MIPEP: variants seen among roughly 807,000 people sequenced by gnomAD.
MIPEP encodes mitochondrial intermediate peptidase.
A neutral mutation model predicts 90.3 loss-of-function variants in MIPEP; 79 were observed. The ratio of observed to expected loss-of-function variants is 0.87; its 90% CI spans 0.73 to 1.05. MIPEP has a LOEUF of 1.05. Ranked by LOEUF, MIPEP falls within the 50% of genes least tolerant of loss-of-function variation. The pLI is 0.00. For synonymous variants in MIPEP, 334 were observed against 315.8 expected, an observed-to-expected ratio of 1.06 and a Z score of -0.61; for missense variants, 940 against 905.6, an observed-to-expected ratio of 1.04 and a Z score of -0.49.
intron 17 of MIPEP, among the ~76,000 whole-genome samples, chr13:23,757,480 G>C (rs1952500432): frequency 6.6e-6 from 1 of 152,076 alleles, no homozygotes; most frequent in Non-Finnish European, 1.5e-5. Flanking sequence ...ATAGTTTTGT[G>C]ATTATTTTAA....
intron 2 of MIPEP, among the ~76,000 whole-genome samples, chr13:23,885,794 T>C (rs572990201): frequency 6.6e-6 from 1 of 150,590 alleles, no homozygotes; most frequent in East Asian, 2.0e-4. Context: ...ACACCTCTTA[T>C]GAAAAAGAAG....
At chr13:23,820,411 G>T (rs1280830836) in intron 14 of MIPEP, among the ~76,000 whole-genome samples, 1 of 152,158 alleles carries the variant, frequency 6.6e-6, no homozygotes, top group Non-Finnish European at 1.5e-5. Flanking sequence ...AATTATTTGA[G>T]CACAGAACAC....
chr13:23,746,933 T>C (rs1022252403), intron 18 of MIPEP, among the ~76,000 whole-genome samples: 19 of 152,318 alleles, frequency 1.2e-4, no homozygotes, highest in East Asian at 3.9e-4. Flanking sequence ...AGAAAGTAGA[T>C]GATAGCTTAC....
At chr13:23,754,569 T>G (rs573615213) in intron 18 of MIPEP, among the ~76,000 whole-genome samples, 8 of 152,304 alleles carry the variant, frequency 5.3e-5, no homozygotes, top group Admixed American at 4.6e-4. Flanking sequence ...AGAACAGAAT[T>G]TTTGAGAGTT....
At chr13:23,743,792 AACACGCACAC>A (rs1182996481) in intron 18 of MIPEP, among the ~76,000 whole-genome samples, 8 of 152,194 alleles carry the variant, frequency 5.3e-5, no homozygotes, top group Non-Finnish European at 8.8e-5. Flanking sequence ...CCACACATTA[AACACGCACAC>A]ACCCTCTTAA....
intron 16 of MIPEP, among the ~76,000 whole-genome samples, chr13:23,796,080 T>C (rs1441060810): frequency 6.6e-6 from 1 of 152,174 alleles, no homozygotes; most frequent in African/African-American, 2.4e-5. Context: ...TGTGTGTATA[T>C]GTATATACAT....
At chr13:23,774,209 T>A (rs1952686031) in intron 16 of MIPEP, among the ~76,000 whole-genome samples, 1 of 152,220 alleles carries the variant, frequency 6.6e-6, no homozygotes, top group Admixed American at 6.5e-5. Flanking sequence ...AGTTGTCAAC[T>A]GAACATAAAT....
Position 23,769,246 on chromosome 13 carries a change from C to G in MIPEP, c.1849-9029G>C, listed in dbSNP as rs190924757. Among the ~76,000 whole-genome samples, 5 of 152,286 alleles carry G rather than the reference C, an allele frequency of 3.3e-5. No homozygotes were observed. The East Asian group carries it at 9.6e-4, about 29-fold the overall frequency. ...GACAGCAACGGGGCCTCTGTAGGAA[C>G]AGGTACTGTGTCTGAACCCTGATCA... On this transcript the variant is annotated intron_variant, in intron 16 of 18. Coordinates refer to ENST00000382172, the MANE Select transcript of MIPEP (RefSeq NM_005932.4).
At chr13:23,810,538 A>C (rs1953160432) in intron 14 of MIPEP, among the ~76,000 whole-genome samples, 1 of 152,272 alleles carries the variant, frequency 6.6e-6, no homozygotes, top group Non-Finnish European at 1.5e-5. Flanking sequence ...CCTCTTAGAA[A>C]TAAATTAATA....
At chr13:23,773,269 G>C (rs904191032) in intron 16 of MIPEP, among the ~76,000 whole-genome samples, 4 of 152,158 alleles carry the variant, frequency 2.6e-5, no homozygotes, top group African/African-American at 9.7e-5. Context: ...CGAGCGTAAT[G>C]TTTTCAAAGT....
intron 16 of MIPEP, among the ~76,000 whole-genome samples, chr13:23,768,910 A>G (rs2138528706): frequency 6.6e-6 from 1 of 152,346 alleles, no homozygotes; most frequent in East Asian, 1.9e-4. Context: ...ATCAAAAGCA[A>G]ATCTACTAGC....
At chr13:23,842,144 T>C (rs920999693) in intron 10 of MIPEP, 2 of 152,218 alleles carry the variant, frequency 1.3e-5, no homozygotes, top group African/African-American at 4.8e-5. Flanking sequence ...ATTTGAATGT[T>C]TACATTTGAA....
rs764290465 is a variant in MIPEP at position 23,760,206 on chromosome 13, C to T, written c.1860G>A (p.Leu620=). ...LPYVPNTAWQ[L]RFSHLVGYGA... ...CATACCCCACGAGGTGGCTGAATCG[C>T]AGCTGCCAGGCCTGCCAAGAACAGA... The change falls in exon 17 of 19, where the codon CTG becomes CTA. Residue 620 remains leucine (L), a synonymous_variant. Transcript: ENST00000382172. The T allele has an allele frequency of 6.2e-7, 1 of 1,614,060 alleles. No homozygotes were observed. The highest frequency in any genetic ancestry group is 2.2e-5 in the East Asian group (1 of 44,874).
chr13:23,764,436 G>T (rs763732419), intron 16 of MIPEP, among the ~76,000 whole-genome samples: 11 of 152,188 alleles, frequency 7.2e-5, no homozygotes, highest in Non-Finnish European at 1.2e-4. Context: ...AGGTAGCAAT[G>T]AGCCATTTAC....
rs573340884 is a variant in MIPEP, at chr13:23,829,901, T to C, written c.1653+6339A>G. 2.5e-4 allele frequency among the ~76,000 whole-genome samples: 38 copies of C among 152,346 alleles called. No individual in the cohort carries two copies. In the South Asian group the frequency reaches 7.9e-3, roughly 32 times the overall value. ...ACACTGCTGCTAATTAAGACCACAATAGCATTTCATTTTATAATCACAAAA... is the reference window on the plus strand; with the variant it reads ...ACACTGCTGCTAATTAAGACCACAACAGCATTTCATTTTATAATCACAAAA... On this transcript the variant is annotated intron_variant, in intron 14 of 18. Transcript: ENST00000382172.
chr13:23,843,345 G>C (rs371502345), intron 10 of MIPEP, among the ~76,000 whole-genome samples: 1 of 152,110 alleles, frequency 6.6e-6, no homozygotes, highest in Non-Finnish European at 1.5e-5. Flanking sequence ...AGAAAACAGA[G>C]GGCCTGGTCC....
At chr13:23,762,064 G>A (rs1471567655) in intron 16 of MIPEP, among the ~76,000 whole-genome samples, 3 of 152,072 alleles carry the variant, frequency 2.0e-5, no homozygotes, top group Non-Finnish European at 4.4e-5. Flanking sequence ...GGCGGAGGTT[G>A]TAGTGAGCTA....
chr13:23,739,739 G>A (rs879853341), intron 18 of MIPEP, among the ~76,000 whole-genome samples: 1 of 152,244 alleles, frequency 6.6e-6, no homozygotes, highest in Non-Finnish European at 1.5e-5. Context: ...GTGCACGGCA[G>A]CAAGCAGAAA....
At chr13:23,820,827 C>T (rs1457369203) in intron 14 of MIPEP, among the ~76,000 whole-genome samples, 2 of 152,216 alleles carry the variant, frequency 1.3e-5, no homozygotes, top group Non-Finnish European at 2.9e-5. Flanking sequence ...TGAAAGCACA[C>T]TAATTTGCCT....
Sources: allele counts gnomAD v4.1 joint callset (sites outside exome capture counted in the v4.1 genomes callset), GRCh38; gene constraint gnomAD v4.1.1; transcripts MANE v1.5; gene names NCBI Gene and HGNC (gene_info 2026-07-23, HGNC 2026-07-21).